DMD: variants seen among roughly 807,000 people sequenced by gnomAD.
The protein encoded by DMD is mutant dystrophin.
Under a neutral mutation model 330.1 loss-of-function variants are expected in DMD, and 63 were observed. The ratio of observed to expected loss-of-function variants is 0.19; its 90% CI spans 0.16 to 0.24. The LOEUF is 0.24. Ranked by LOEUF, DMD falls within the 10% of genes least tolerant of loss-of-function variation. DMD has a pLI of 1.00. For missense variants in DMD, 3,344 were observed against 2,684.1 expected (o/e 1.25, Z -5.43); for synonymous variants, 1,223 against 959.8 (o/e 1.27, Z -5.07).
intron 2 of DMD, among the ~76,000 whole-genome samples, chrX:33,008,828 GTA>G (rs374687649): frequency 0.071 from 2,635 of 36,888 alleles, 196 homozygotes; most frequent in African/African-American, 0.21. Context: ...AAATGTATAC[GTA>G]TATATATACA....
intron 1 of DMD, among the ~76,000 whole-genome samples, chrX:33,094,124 C>G (rs776576437): frequency 1.8e-5 from 2 of 110,076 alleles, no homozygotes; most frequent in Admixed American, 2.0e-4. Context: ...TAATTGTAAT[C>G]TTAGCCAACT....
At chrX:32,866,830 G>A (rs1024359974) in intron 2 of DMD, among the ~76,000 whole-genome samples, 34 of 108,858 alleles carry the variant, frequency 3.1e-4, no homozygotes, top group Non-Finnish European at 5.5e-4. Context: ...GTCTCCCAGT[G>A]TCAAGCGATT....
At chrX:32,397,679 T>A (rs2098055127) in intron 30 of DMD, among the ~76,000 whole-genome samples, 1 of 111,501 alleles carries the variant, frequency 9.0e-6, no homozygotes, top group Non-Finnish European at 1.9e-5. Context: ...AACCAAAAAA[T>A]CATTCAAACA....
intron 11 of DMD, among the ~76,000 whole-genome samples, chrX:32,625,294 G>C (rs772470539): frequency 7.0e-4 from 78 of 112,178 alleles, no homozygotes; most frequent in Non-Finnish European, 1.2e-3. Context: ...ATGGACACTA[G>C]TCAGGTGGGA....
intron 43 of DMD, among the ~76,000 whole-genome samples, chrX:32,274,757 G>C (rs1270942297): frequency 1.8e-5 from 2 of 112,209 alleles, no homozygotes; most frequent in Non-Finnish European, 3.8e-5. Flanking sequence ...ACGGTATAGT[G>C]TGCTGAATGG....
intron 55 of DMD, among the ~76,000 whole-genome samples, chrX:31,567,924 A>G (rs1401873448): frequency 9.0e-6 from 1 of 111,258 alleles, no homozygotes; most frequent in African/African-American, 3.3e-5. Context: ...AATAGACAGT[A>G]GATATGCTTG....
At chrX:31,157,056 C>T (rs2038220548) in intron 74 of DMD, among the ~76,000 whole-genome samples, 1 of 111,792 alleles carries the variant, frequency 8.9e-6, no homozygotes, top group Non-Finnish European at 1.9e-5. Flanking sequence ...CTTGATTTGA[C>T]CCAATACGCT....
chrX:33,119,046 A>G (rs1168012310), intron 1 of DMD, among the ~76,000 whole-genome samples: 1 of 111,679 alleles, frequency 9.0e-6, no homozygotes, highest in Admixed American at 9.5e-5. Context: ...TCACACATCC[A>G]CTGTTCGATA....
intron 63 of DMD, among the ~76,000 whole-genome samples, chrX:31,228,122 G>T (rs1186008238): frequency 9.5e-6 from 1 of 105,476 alleles, no homozygotes; most frequent in Non-Finnish European, 1.9e-5. Context: ...TGGGGGGAGT[G>T]GGGGGGATAG....
chrX:32,586,279 A>G (rs1300697192), intron 13 of DMD, among the ~76,000 whole-genome samples: 1 of 109,842 alleles, frequency 9.1e-6, no homozygotes, highest in Non-Finnish European at 1.9e-5. Context: ...AAAAGAAAAA[A>G]ATTTTATATA....
rs1201257079 is a variant in DMD at position 31,550,029 on chromosome X, T to TC, written c.8218-42577dup. 2.7e-5 allele frequency among the ~76,000 whole-genome samples: 3 copies of TC among 111,684 alleles called. No homozygotes were observed. In the East Asian group the frequency reaches 8.5e-4, roughly 32 times the overall value. ...ACAAATAATACAGCCCATTTATAGC[T>TC]CATCAGTTTTTTGTTTTGAGTCATC... On this transcript the variant is annotated intron_variant, in intron 55 of 78. Coordinates refer to ENST00000357033, the MANE Select transcript of DMD (RefSeq NM_004006.3).
chrX:32,022,825 C>CTTTT (rs753993138), intron 44 of DMD, among the ~76,000 whole-genome samples: 9 of 90,375 alleles, frequency 1.0e-4, no homozygotes, highest in African/African-American at 3.9e-4. Flanking sequence ...GTATAATCCT[C>CTTTT]TTTTTTTTTT....
At chrX:31,517,445 T>G (rs1288505378) in intron 55 of DMD, among the ~76,000 whole-genome samples, 1 of 111,977 alleles carries the variant, frequency 8.9e-6, no homozygotes, top group Admixed American at 9.5e-5. Flanking sequence ...CTCAGGAAGT[T>G]CAGGTTCAAA....
chrX:33,249,402 T>G (rs1020676120), intron 1 of DMD, among the ~76,000 whole-genome samples: 1 of 111,864 alleles, frequency 8.9e-6, no homozygotes, highest in Non-Finnish European at 1.9e-5. Context: ...CTGCCCACCT[T>G]GGCCTCCCAA....
At chrX:33,107,308 GTCC>G (rs2095297725) in intron 1 of DMD, among the ~76,000 whole-genome samples, 1 of 14,758 alleles carries the variant, frequency 6.8e-5, no homozygotes. Context: ...GCGAAGCTCT[GTCC>G]CCCCCCCCCC....
intron 1 of DMD, among the ~76,000 whole-genome samples, chrX:33,168,120 T>C (rs1603378998): frequency 9.1e-6 from 1 of 110,195 alleles, no homozygotes; most frequent in East Asian, 2.8e-4. Context: ...TGTGTGTGTG[T>C]GTTTGTGTGT....
Position 31,206,796 on chromosome X carries a change from T to C in DMD, c.9564-129A>G, listed in dbSNP as rs186112326. On this transcript the variant is annotated intron_variant, in intron 65 of 78. Coordinates refer to ENST00000357033, the MANE Select transcript of DMD (RefSeq NM_004006.3). Reference sequence around the variant, plus strand: ...AGTGCTCAATGATGTGTGAACTCTATTGACCACTGTTTTATTAAGATTGTT... The same window carrying C: ...AGTGCTCAATGATGTGTGAACTCTACTGACCACTGTTTTATTAAGATTGTT... 170 of 531,093 alleles carry C rather than the reference T, an allele frequency of 3.2e-4. No individual in the cohort carries two copies. The Middle Eastern group carries it at 4.7e-3, about 15-fold the overall frequency. 43.8% of individuals were successfully genotyped at this position (531,093 alleles called of 1,213,427 possible).
chrX:32,395,825 T>C (rs1441087550), intron 30 of DMD, among the ~76,000 whole-genome samples: 9 of 111,574 alleles, frequency 8.1e-5, no homozygotes, highest in Admixed American at 2.9e-4. Flanking sequence ...AGACTGAATG[T>C]GAGTTAGTAA....
chrX:32,557,291 G>A (rs914682930), intron 16 of DMD, among the ~76,000 whole-genome samples: 3 of 111,461 alleles, frequency 2.7e-5, no homozygotes, highest in African/African-American at 9.8e-5. Flanking sequence ...TTCCTTTTAA[G>A]GGGTGTGTAT....
Sources: allele counts gnomAD v4.1 joint callset (sites outside exome capture counted in the v4.1 genomes callset), GRCh38; gene constraint gnomAD v4.1.1; transcripts MANE v1.5; gene names NCBI Gene and HGNC (gene_info 2026-07-23, HGNC 2026-07-21).